Variants in IHO1 observed in about 807,000 individuals in gnomAD.
IHO1 encodes interactor of HORMAD1 protein 1.
IHO1 carries 13 observed loss-of-function variants against 31.0 expected under a neutral mutation model. The observed-to-expected ratio is 0.42, with a 90% CI of 0.27 to 0.67. The LOEUF (loss-of-function observed/expected upper bound fraction) is 0.67. IHO1 is among the 30% of genes least tolerant of loss of function. IHO1 has a pLI of 0.24. For missense variants in IHO1, 599 were observed against 687.5 expected, an observed-to-expected ratio of 0.87 and a Z score of 1.44; for synonymous variants, 221 against 248.4, an observed-to-expected ratio of 0.89 and a Z score of 1.04.
chr3:49,191,734 TG>T, the IHO1 span: 1,400 of 1,592,176 alleles, frequency 8.8e-4, 12 homozygotes, highest in African/African-American at 0.016. Flanking sequence ...TAACATAAAG[TG>T]CACTCTTACC....
At chr3:49,243,120 C>T (rs528665867) in intron 4 of IHO1, among the ~76,000 whole-genome samples, 1 of 151,974 alleles carries the variant, frequency 6.6e-6, no homozygotes, top group East Asian at 1.9e-4. Context: ...TTTCATCATA[C>T]AATGCATGAA....
intron 6 of IHO1, among the ~76,000 whole-genome samples, chr3:49,246,255 C>T (rs973624382): frequency 7.3e-5 from 11 of 150,922 alleles, no homozygotes; most frequent in Middle Eastern, 3.5e-3. Context: ...GCAAGACAGA[C>T]GGCAGAAGCA....
intron 2 of IHO1, among the ~76,000 whole-genome samples, chr3:49,227,219 A>T (rs185521550): frequency 1.3e-5 from 2 of 152,358 alleles, no homozygotes; most frequent in East Asian, 3.9e-4. Flanking sequence ...TACTTCCCTC[A>T]GATGGCCATT....
intron 2 of IHO1, among the ~76,000 whole-genome samples, chr3:49,226,203 A>T (rs1297077726): frequency 6.6e-6 from 1 of 151,640 alleles, no homozygotes; most frequent in Non-Finnish European, 1.5e-5. Flanking sequence ...CTCTGATCTC[A>T]CTTTTCCTTT....
At chr3:49,191,710 C>G in the IHO1 span, 5 of 1,593,580 alleles carry the variant, frequency 3.1e-6, no homozygotes, top group Non-Finnish European at 3.4e-6. Flanking sequence ...AACCAGAGGG[C>G]CAGGGGCCAG....
chr3:49,216,594 C>A (rs944668184), intron 2 of IHO1, among the ~76,000 whole-genome samples: 1 of 152,132 alleles, frequency 6.6e-6, no homozygotes, highest in Non-Finnish European at 1.5e-5. Flanking sequence ...GCAAAGACTT[C>A]ATGACTAAAA....
chr3:49,217,642 T>A (rs1187410222), intron 2 of IHO1, among the ~76,000 whole-genome samples: 4 of 147,350 alleles, frequency 2.7e-5, no homozygotes, highest in Non-Finnish European at 3.0e-5. Flanking sequence ...TAAAGTATAA[T>A]AAAAAAAAAA....
In IHO1 at chr3:49,256,985, T is replaced by A; in HGVS notation, c.1488T>A (p.Arg496=). Reference sequence around the variant, plus strand: ...CCTTCCTGGGGCAGCAGGAACCCCGTGCTCAGCCTCTGCATCTGCAGTGTC... The same window carrying A: ...CCTTCCTGGGGCAGCAGGAACCCCGAGCTCAGCCTCTGCATCTGCAGTGTC... ...QSPFLGQQEP[R]AQPLHLQCPR... Residue 496 remains arginine (R), a synonymous_variant, in exon 8 of 8, where the codon CGT becomes CGA. Transcript: ENST00000452691. This position sits in a 1 kb window ranked among gnomAD's most constrained non-coding sequence, Gnocchi z 4.6. 6.2e-7 allele frequency: 1 copy of A among 1,614,200 alleles called. No individual in the cohort carries two copies. The highest frequency in any genetic ancestry group is 8.5e-7 in the Non-Finnish European group (1 of 1,180,026).
intron 2 of IHO1, among the ~76,000 whole-genome samples, chr3:49,214,607 C>CATATATATATATATATATACATACAT: frequency 4.0e-5 from 1 of 24,792 alleles, no homozygotes; most frequent in Non-Finnish European, 6.7e-5. Flanking sequence ...ATTTCTAGAT[C>CATATATATATATATATATACATACAT]ATATATATAT....
At chr3:49,207,886 GC>G (rs2107682877) in intron 1 of IHO1, among the ~76,000 whole-genome samples, 1 of 151,482 alleles carries the variant, frequency 6.6e-6, no homozygotes, top group Admixed American at 6.6e-5. Context: ...CCATTCTCCT[GC>G]CTCAGCCTCC....
chr3:49,234,725 G>C (rs1366326593), intron 2 of IHO1, among the ~76,000 whole-genome samples: 1 of 152,062 alleles, frequency 6.6e-6, no homozygotes, highest in African/African-American at 2.4e-5. Flanking sequence ...TTCCTTCCCT[G>C]TAGGCACACA....
intron 2 of IHO1, among the ~76,000 whole-genome samples, chr3:49,218,461 A>C (rs2046315875): frequency 1.4e-5 from 2 of 141,848 alleles, no homozygotes; most frequent in Admixed American, 1.6e-4. Context: ...GGCTCACTGC[A>C]GCCTCTGCCT....
At chr3:49,202,033 C>G (rs911830444) in intron 1 of IHO1, among the ~76,000 whole-genome samples, 59 of 152,106 alleles carry the variant, frequency 3.9e-4, no homozygotes, top group African/African-American at 1.4e-3. Flanking sequence ...GAAATGTTTT[C>G]AGAGCTCCTA....
intron 4 of IHO1, 142 bp from the exon 5 acceptor site, chr3:49,244,262 C>T: frequency 3.2e-6 from 2 of 618,460 alleles, no homozygotes; most frequent in Admixed American, 3.4e-5. Flanking sequence ...TAAGGTTTCT[C>T]AGGGTCAAGT....
chr3:49,256,041 C>T lies in IHO1; in HGVS notation c.637-93C>T. 3 of 1,111,388 alleles carry T rather than the reference C, an allele frequency of 2.7e-6. No individual in the cohort carries two copies. Among genetic ancestry groups the T allele is most frequent in the Non-Finnish European group, 3.9e-6 (3 of 769,016 alleles). The allele number at this position is 1,111,388 out of a possible 1,614,324, so 68.8% of individuals were successfully genotyped here. A position where few individuals can be genotyped will look rare whatever the true frequency, so the allele number is the denominator to read the frequency against. Reference sequence around the variant, plus strand: ...TCCCTACAAGGAGCAAGCCTTGGTTCTGCTGTCACATCCATTGGTCTGTTC... The same window carrying T: ...TCCCTACAAGGAGCAAGCCTTGGTTTTGCTGTCACATCCATTGGTCTGTTC... On this transcript the variant is annotated intron_variant, in intron 7 of 7. Coordinates refer to ENST00000452691, the MANE Select transcript of IHO1 (RefSeq NM_001135197.2). This position sits in a 1 kb window ranked among gnomAD's most constrained non-coding sequence, Gnocchi z 4.6.
chr3:49,240,124 C>T (rs994839272), intron 3 of IHO1, among the ~76,000 whole-genome samples: 1 of 152,180 alleles, frequency 6.6e-6, no homozygotes, highest in African/African-American at 2.4e-5. Flanking sequence ...TGGCTCACTG[C>T]AACCTCCTCT....
At chr3:49,241,426 T>A in intron 4 of IHO1, 37 bp downstream of exon 4, 2 of 1,551,954 alleles carry the variant, frequency 1.3e-6, no homozygotes, top group Non-Finnish European at 1.7e-6. Context: ...AGAACTCACC[T>A]TTTCTGAGTA....
chr3:49,215,848 A>G (rs1452587633), intron 2 of IHO1, among the ~76,000 whole-genome samples: 1 of 152,136 alleles, frequency 6.6e-6, no homozygotes, highest in East Asian at 1.9e-4. Context: ...TGAGGAAGAA[A>G]CTCAGATAAA....
At chr3:49,204,292 A>T (rs914179048) in intron 1 of IHO1, among the ~76,000 whole-genome samples, 4 of 152,192 alleles carry the variant, frequency 2.6e-5, no homozygotes, top group Non-Finnish European at 1.5e-5. Context: ...ACGTGGGTTC[A>T]GCATGTGAAA....
Sources: gnomAD v4.1 joint callset for allele counts (sites outside exome capture counted in the v4.1 genomes callset) on GRCh38, gnomAD v4.1.1 for gene constraint, Gnocchi (gnomAD v3.1) non-coding constraint, MANE v1.5 for transcripts, NCBI Gene and HGNC (gene_info 2026-07-23, HGNC 2026-07-21) for gene names.